Variants in ADAM22 observed in about 807,000 individuals in gnomAD.
The protein encoded by ADAM22 is ADAM metallopeptidase domain 22, also known as disintegrin and metalloproteinase domain-containing protein 22.
Under a neutral mutation model 144.6 loss-of-function variants are expected in ADAM22, and 65 were observed. The ratio of observed to expected loss-of-function variants is 0.45; its 90% CI spans 0.37 to 0.55. The LOEUF (loss-of-function observed/expected upper bound fraction) is 0.55, where lower values mean the gene tolerates loss of function less well. ADAM22 is among the 20% of genes least tolerant of loss of function. ADAM22 has a pLI of 0.00. For missense variants in ADAM22, 974 were observed against 1,184.9 expected (o/e 0.82, Z 2.61); for synonymous variants, 391 against 412.6 (o/e 0.95, Z 0.63).
chr7:87,993,971 A>G (rs944571186), intron 3 of ADAM22, among the ~76,000 whole-genome samples: 1 of 152,194 alleles, frequency 6.6e-6, no homozygotes, highest in South Asian at 2.1e-4. Context: ...TCAAGCAACA[A>G]TCATTTAGAG....
intron 3 of ADAM22, among the ~76,000 whole-genome samples, chr7:88,030,166 C>CT (rs1202869787): frequency 6.6e-6 from 1 of 151,790 alleles, no homozygotes; most frequent in Non-Finnish European, 1.5e-5. Flanking sequence ...CTTTTTTATC[C>CT]TTTTTTAAAA....
At chr7:87,972,839 G>A (rs1850810170) in intron 2 of ADAM22, among the ~76,000 whole-genome samples, 1 of 152,024 alleles carries the variant, frequency 6.6e-6, no homozygotes, top group Non-Finnish European at 1.5e-5. Context: ...ACCAGCAATG[G>A]GGAAAGGATT....
At chr7:88,006,958 A>G (rs1317089396) in intron 3 of ADAM22, among the ~76,000 whole-genome samples, 1 of 151,688 alleles carries the variant, frequency 6.6e-6, no homozygotes, top group African/African-American at 2.4e-5. Context: ...GAGGAAGTCA[A>G]ATTGTCCCTG....
intron 3 of ADAM22, among the ~76,000 whole-genome samples, chr7:88,033,893 G>A (rs1276543382): frequency 2.0e-5 from 3 of 152,000 alleles, no homozygotes; most frequent in African/African-American, 7.3e-5. Context: ...GGGCTCTTCA[G>A]TCAGTTTGTA....
At chr7:88,019,984 T>C (rs571808158) in intron 3 of ADAM22, among the ~76,000 whole-genome samples, 8 of 151,810 alleles carry the variant, frequency 5.3e-5, no homozygotes, top group Non-Finnish European at 8.8e-5. Flanking sequence ...TTCCATAATA[T>C]AGATGAAAAT....
chr7:88,177,346 CA>C (rs894940198), intron 26 of ADAM22, among the ~76,000 whole-genome samples: 1 of 151,586 alleles, frequency 6.6e-6, no homozygotes, highest in African/African-American at 2.4e-5. Context: ...AGATCTCTTA[CA>C]GGGGAAGATA....
intron 5 of ADAM22, among the ~76,000 whole-genome samples, chr7:88,111,679 G>A (rs1826078104): frequency 6.6e-6 from 1 of 152,156 alleles, no homozygotes; most frequent in African/African-American, 2.4e-5. Flanking sequence ...GGTCTGTGAC[G>A]ACTTGGTCTT....
chr7:88,123,165 T>C (rs1018979505), intron 7 of ADAM22, among the ~76,000 whole-genome samples: 1 of 152,154 alleles, frequency 6.6e-6, no homozygotes, highest in Non-Finnish European at 1.5e-5. Context: ...GGGTTTGATT[T>C]GCCTATGTTT....
At chr7:88,162,855 T>C (rs1842048590) in intron 22 of ADAM22, among the ~76,000 whole-genome samples, 157 bp from the exon 23 acceptor site, 1 of 152,148 alleles carries the variant, frequency 6.6e-6, no homozygotes, top group Non-Finnish European at 1.5e-5. Context: ...AAAGATTCAA[T>C]AGCTTTCTCT....
In ADAM22 at chr7:88,153,267, A is replaced by C. The variant is rs767033863; in HGVS notation, c.1728A>C (p.Glu576Asp). Residue 576 changes from glutamate (E) to aspartate (D), a missense_variant, in exon 21 of 32, where the codon GAA becomes GAC. By Grantham distance (45) the Glu-to-Asp change is conservative. Coordinates refer to ENST00000413139, the MANE Select transcript of ADAM22 (RefSeq NM_001324418.2). ...DKYCYEKLNIEGTEKGNCGKD... is the reference protein window; with the variant it reads ...DKYCYEKLNIDGTEKGNCGKD... ...ATTGCTATGAGAAACTGAATATTGA[A>C]GGGACGGAGAAGGGTAACTGTGGGA... 1 of 1,613,504 alleles carries C rather than the reference A, an allele frequency of 6.2e-7. No individual in the cohort carries two copies.
At chr7:88,183,921 T>G (rs1043377628) in intron 29 of ADAM22, among the ~76,000 whole-genome samples, 2 of 151,908 alleles carry the variant, frequency 1.3e-5, no homozygotes, top group Admixed American at 6.6e-5. Flanking sequence ...GAATTATGTT[T>G]GCAAACTTTT....
At chr7:88,075,718 G>C in intron 4 of ADAM22, 26 bp downstream of exon 4, 1 of 1,572,666 alleles carries the variant, frequency 6.4e-7, no homozygotes. Flanking sequence ...CTACTTGTGG[G>C]GAAATTTGTT....
chr7:88,052,893 T>A (rs1322499038), intron 3 of ADAM22, among the ~76,000 whole-genome samples: 2 of 152,244 alleles, frequency 1.3e-5, no homozygotes, highest in Admixed American at 6.5e-5. Flanking sequence ...TCATGTTGAA[T>A]CTTTCTTCAG....
intron 15 of ADAM22, among the ~76,000 whole-genome samples, 169 bp from the exon 16 acceptor site, chr7:88,144,956 T>C (rs1315646051): frequency 1.3e-5 from 2 of 152,186 alleles, no homozygotes; most frequent in Non-Finnish European, 2.9e-5. Context: ...TAGACACTTC[T>C]GTTTTAAAGT....
At chr7:88,171,091 G>T (rs1844206539) in intron 25 of ADAM22, among the ~76,000 whole-genome samples, 1 of 151,718 alleles carries the variant, frequency 6.6e-6, no homozygotes, top group South Asian at 2.1e-4. Context: ...TCCCCTATTT[G>T]AAATTCTTAG....
chr7:88,044,829 G>A (rs570539746), intron 3 of ADAM22, among the ~76,000 whole-genome samples: 29 of 151,628 alleles, frequency 1.9e-4, no homozygotes, highest in African/African-American at 7.0e-4. Context: ...GGGTTCAAGT[G>A]ATTCTCCTGC....
intron 4 of ADAM22, among the ~76,000 whole-genome samples, chr7:88,090,205 T>G (rs979050172): frequency 3.3e-5 from 5 of 152,202 alleles, no homozygotes; most frequent in Non-Finnish European, 7.3e-5. Flanking sequence ...AGATTTAGGT[T>G]AAGGACTCTT....
At chr7:88,134,902 G>A (rs549585471) in intron 13 of ADAM22, among the ~76,000 whole-genome samples, 251 of 152,050 alleles carry the variant, frequency 1.7e-3, no homozygotes, top group Non-Finnish European at 2.7e-3. Context: ...CTTTTCTCAA[G>A]TAGGTAAAGT....
At chr7:88,074,698 T>C (rs1813744800) in intron 3 of ADAM22, among the ~76,000 whole-genome samples, 2 of 152,244 alleles carry the variant, frequency 1.3e-5, no homozygotes, top group Admixed American at 6.5e-5. Context: ...AATATAAGTG[T>C]CAGATAATAC....
Sources: gnomAD v4.1 joint callset for allele counts (sites outside exome capture counted in the v4.1 genomes callset) on GRCh38, gnomAD v4.1.1 for gene constraint, MANE v1.5 for transcripts, NCBI Gene and HGNC (gene_info 2026-07-23, HGNC 2026-07-21) for gene names.